Variants in MAD1L1 observed in about 807,000 individuals in gnomAD.
MAD1L1 encodes mitotic spindle assembly checkpoint protein MAD1.
Under a neutral mutation model 96.9 loss-of-function variants are expected in MAD1L1, and 95 were observed. The observed-to-expected ratio is 0.98, with a 90% CI of 0.83 to 1.16. The LOEUF (loss-of-function observed/expected upper bound fraction) is 1.16. Among genes scored for constraint, MAD1L1 ranks in the 50% most tolerant of loss-of-function variants. The pLI is 0.00. For synonymous variants in MAD1L1, 473 were observed against 396.6 expected (o/e 1.19, Z -2.29); for missense variants, 1,007 against 954.4 (o/e 1.06, Z -0.73).
intron 11 of MAD1L1, among the ~76,000 whole-genome samples, chr7:2,106,259 G>A (rs940013995): frequency 2.0e-5 from 3 of 152,116 alleles, no homozygotes; most frequent in Non-Finnish European, 2.9e-5. Context: ...GTGCGAGCAC[G>A]GCAGGCCGCT....
chr7:1,844,966 A>G (rs189057449), intron 18 of MAD1L1, among the ~76,000 whole-genome samples: 3 of 152,296 alleles, frequency 2.0e-5, no homozygotes, highest in Admixed American at 6.5e-5. Context: ...CCGCCATCAG[A>G]AGGAGGACAG....
chr7:2,197,449 C>T (rs1792049880), intron 10 of MAD1L1, among the ~76,000 whole-genome samples: 1 of 152,124 alleles, frequency 6.6e-6, no homozygotes, highest in South Asian at 2.1e-4. Context: ...GGCTTCTAGC[C>T]TCTCCTCACT....
At position 1,852,209 on chromosome 7, in the gene MAD1L1, G is replaced by A. The variant is rs117575352; in HGVS notation, c.1999-35981C>T. Among the ~76,000 whole-genome samples, 194 of 152,334 alleles carry A rather than the reference G, an allele frequency of 1.3e-3. 1 individual carries two copies. Among genetic ancestry groups the A allele is most frequent in the South Asian group, 8.5e-3 (41 of 4,826 alleles). On this transcript the variant is annotated intron_variant, in intron 18 of 18. Transcript: ENST00000265854. Reference sequence around the variant, plus strand: ...GGATGGACGTGACCCAGCACTGGGCGAGGATCCTGCTGACCTGGCGAGAGG... The same window carrying A: ...GGATGGACGTGACCCAGCACTGGGCAAGGATCCTGCTGACCTGGCGAGAGG...
chr7:1,945,732 G>C (rs1404962870), intron 16 of MAD1L1, among the ~76,000 whole-genome samples: 1 of 152,190 alleles, frequency 6.6e-6, no homozygotes, highest in African/African-American at 2.4e-5. Context: ...ACCCCTCAGA[G>C]GTGCGGGTAA....
intron 2 of MAD1L1, 21 bp from the exon 3 acceptor site, chr7:2,230,164 A>C (rs1353228365): frequency 6.4e-7 from 1 of 1,566,426 alleles, no homozygotes; most frequent in East Asian, 2.4e-5. Flanking sequence ...CAGACAAAGG[A>C]CTGGTCAGGG....
intron 11 of MAD1L1, among the ~76,000 whole-genome samples, chr7:2,127,292 A>G (rs1372063508): frequency 4.6e-5 from 7 of 152,296 alleles, no homozygotes; most frequent in African/African-American, 1.7e-4. Flanking sequence ...TCAGAGGGGC[A>G]CAAAGGAGCG....
At chr7:2,044,290 C>G (rs1258105545) in intron 12 of MAD1L1, among the ~76,000 whole-genome samples, 1 of 152,214 alleles carries the variant, frequency 6.6e-6, no homozygotes, top group African/African-American at 2.4e-5. Flanking sequence ...AGCAACGAAA[C>G]TGAGACACAG....
chr7:2,212,631 C>T (rs1793008602), intron 10 of MAD1L1, among the ~76,000 whole-genome samples: 1 of 152,162 alleles, frequency 6.6e-6, no homozygotes, highest in Non-Finnish European at 1.5e-5. Flanking sequence ...GTGCCTGTTC[C>T]CCCTTCACCT....
intron 11 of MAD1L1, among the ~76,000 whole-genome samples, chr7:2,075,621 C>G (rs771614745): frequency 2.0e-5 from 3 of 152,156 alleles, no homozygotes; most frequent in African/African-American, 7.2e-5. Flanking sequence ...CCAGCCTCTA[C>G]TCAAAGAACA....
intron 11 of MAD1L1, among the ~76,000 whole-genome samples, chr7:2,116,155 T>G (rs570830501): frequency 6.6e-6 from 1 of 152,246 alleles, no homozygotes; most frequent in Admixed American, 6.5e-5. Context: ...TGTTGGCTGC[T>G]GCTCCCAGTG....
At chr7:2,129,598 C>T (rs563474142) in intron 11 of MAD1L1, among the ~76,000 whole-genome samples, 6 of 152,260 alleles carry the variant, frequency 3.9e-5, no homozygotes, top group East Asian at 1.9e-4. Flanking sequence ...AGCACACACA[C>T]GATCCCATCC....
intron 11 of MAD1L1, among the ~76,000 whole-genome samples, chr7:2,123,751 G>A (rs1020943764): frequency 6.6e-6 from 1 of 152,230 alleles, no homozygotes; most frequent in African/African-American, 2.4e-5. Flanking sequence ...CCGGCGGCGT[G>A]GTGCTGCAGG....
Position 1,936,476 on chromosome 7 carries a change from G to A in MAD1L1, c.1807+211C>T, listed in dbSNP as rs558465863. Among the ~76,000 whole-genome samples, 7 of 152,356 alleles carry A rather than the reference G, an allele frequency of 4.6e-5. No individual in the cohort carries two copies. In the South Asian group the frequency reaches 1.2e-3, roughly 27 times the overall value. Reference sequence around the variant, plus strand: ...TCCACAGCTGCCTGCAGACTCGGATGGCTCCACCTGTTTGCACAACCCCAC... The same window carrying A: ...TCCACAGCTGCCTGCAGACTCGGATAGCTCCACCTGTTTGCACAACCCCAC... On this transcript the variant is annotated intron_variant, in intron 17 of 18. Transcript: ENST00000265854.
chr7:1,859,848 G>A (rs367594663), intron 18 of MAD1L1, among the ~76,000 whole-genome samples: 12 of 120,526 alleles, frequency 1.0e-4, no homozygotes, highest in African/African-American at 3.8e-4. Flanking sequence ...CATGATACCC[G>A]GCGGGGCGGC....
chr7:2,014,783 CCT>C lies in MAD1L1; in HGVS notation c.1219-143_1219-142del, dbSNP rs908416883. 6.3e-5 allele frequency: 58 copies of C among 913,410 alleles called. 1 individual carries two copies. Among genetic ancestry groups the C allele is most frequent in the South Asian group, 2.8e-4 (14 of 49,438 alleles). The allele number at this position is 913,410 out of a possible 1,614,324, so 56.6% of individuals were successfully genotyped here. A position where few individuals can be genotyped will look rare whatever the true frequency, so the allele number is the denominator to read the frequency against. The stretch of plus-strand genomic sequence containing the variant: ...CCCAGGCCAGCACTCAGAGCCCACC[CCT>C]GAGGGCCCACCAAAGTGAAGAGGGC... On this transcript the variant is annotated intron_variant, in intron 12 of 18. Coordinates refer to ENST00000265854, the MANE Select transcript of MAD1L1 (RefSeq NM_001013836.2).
chr7:2,188,710 G>C (rs1791574935), intron 10 of MAD1L1, among the ~76,000 whole-genome samples: 1 of 151,858 alleles, frequency 6.6e-6, no homozygotes. Flanking sequence ...CTAAATGTAA[G>C]ACCTAAAACT....
intron 17 of MAD1L1, among the ~76,000 whole-genome samples, chr7:1,901,040 G>A (rs1259644692): frequency 6.6e-6 from 1 of 152,164 alleles, no homozygotes; most frequent in Non-Finnish European, 1.5e-5. Flanking sequence ...GGGCCCTGGA[G>A]GGGAAGGGTC....
chr7:1,993,282 C>T (rs1781427448), intron 14 of MAD1L1, among the ~76,000 whole-genome samples: 1 of 152,212 alleles, frequency 6.6e-6, no homozygotes, highest in Non-Finnish European at 1.5e-5. Flanking sequence ...GGGCAGGACC[C>T]ACAGTGCAGG....
intron 10 of MAD1L1, among the ~76,000 whole-genome samples, chr7:2,197,425 C>A (rs376816737): frequency 7.2e-5 from 11 of 152,128 alleles, no homozygotes; most frequent in African/African-American, 2.4e-4. Flanking sequence ...AGGAAGAAAC[C>A]CCACTGCTCT....
Sources: gnomAD v4.1 joint callset for allele counts (sites outside exome capture counted in the v4.1 genomes callset) on GRCh38, gnomAD v4.1.1 for gene constraint, MANE v1.5 for transcripts, NCBI Gene and HGNC (gene_info 2026-07-23, HGNC 2026-07-21) for gene names.